The following CEP83 variants were observed in gnomAD, a reference collection of about 807,000 sequenced individuals.
The protein encoded by CEP83 is centrosomal protein of 83 kDa.
Under a neutral mutation model 101.9 loss-of-function variants are expected in CEP83, and 70 were observed. The ratio of observed to expected loss-of-function variants is 0.69; its 90% CI spans 0.57 to 0.84. CEP83 has a LOEUF of 0.84. Ranked by LOEUF, CEP83 falls within the 40% of genes least tolerant of loss-of-function variation. The pLI, the probability that CEP83 is intolerant of heterozygous loss-of-function variation, is 0.00. For missense variants in CEP83, 715 were observed against 787.2 expected (o/e 0.91, Z 1.10); for synonymous variants, 264 against 267.9 (o/e 0.99, Z 0.14).
chr12:94,295,412 G>C, the CEP83 span, among the ~76,000 whole-genome samples: 1 of 152,206 alleles, frequency 6.6e-6, no homozygotes, highest in African/African-American at 2.4e-5. Flanking sequence ...TGGTGTCTTT[G>C]TGTTGAAAAG....
At chr12:94,437,403 T>C (rs555334562) in intron 1 of CEP83, among the ~76,000 whole-genome samples, 20 of 152,002 alleles carry the variant, frequency 1.3e-4, no homozygotes, top group African/African-American at 4.8e-4. Flanking sequence ...AGGAAATTCA[T>C]CACAAAAAGA....
the CEP83 span, chr12:94,277,967 G>A: frequency 6.6e-6 from 3 of 456,010 alleles, no homozygotes; most frequent in South Asian, 4.6e-5. Flanking sequence ...CTGAGCCCTA[G>A]GCAAATCAGA....
At chr12:94,334,871 T>TTTGTATTAAG (rs2059387144) in intron 12 of CEP83, among the ~76,000 whole-genome samples, 1 of 152,164 alleles carries the variant, frequency 6.6e-6, no homozygotes, top group African/African-American at 2.4e-5. Flanking sequence ...TTAATACCTC[T>TTTGTATTAAG]CCATATGCAT....
chr12:94,400,932 G>C lies in CEP83; in HGVS notation c.467C>G (p.Thr156Arg), dbSNP rs749314948. Residue 156 changes from threonine (T) to arginine (R), a missense_variant, in exon 6 of 17, where the codon ACA (threonine) becomes AGA (arginine). By Grantham distance (71) the Thr-to-Arg change is moderately conservative (BLOSUM62 -1). Transcript: ENST00000397809. ...GTGTTCAAATTCTGACTTGAGAAAT[G>C]TATGTTCATAGCGAAGCTTATTATA... is the stretch of plus-strand genomic sequence containing the variant. ...AVYNKLRYEH[T>R]FLKSEFEHQK... The C allele has an allele frequency of 6.6e-7, 1 of 1,511,204 alleles. No homozygotes were observed. Among genetic ancestry groups the C allele is most frequent in the Admixed American group, 2.0e-5 (1 of 49,766 alleles). 93.6% of individuals were successfully genotyped at this position (1,511,204 alleles called of 1,614,324 possible).
chr12:94,331,585 G>A (rs1451807911), intron 14 of CEP83, 115 bp downstream of exon 14: 8 of 820,230 alleles, frequency 9.8e-6, no homozygotes, highest in South Asian at 6.4e-5. Context: ...TAGCCAGGAT[G>A]GTCTCAATGA....
intron 7 of CEP83, among the ~76,000 whole-genome samples, chr12:94,378,030 G>A (rs1221860924): frequency 6.6e-6 from 1 of 151,926 alleles, no homozygotes; most frequent in Admixed American, 6.6e-5. Context: ...TTTGGATATT[G>A]ATTTTAACTA....
intron 2 of CEP83, among the ~76,000 whole-genome samples, chr12:94,413,825 TACAC>T (rs56372938): frequency 0.089 from 12,559 of 140,324 alleles, 521 homozygotes; most frequent in African/African-American, 0.11. Context: ...CCATAATACA[TACAC>T]ACACACACAC....
rs2065040432 is a variant in CEP83 at position 94,424,616 on chromosome 12, T to A, written c.-102+10659A>T. The A allele has an allele frequency of 2.1e-5, 34 of 1,613,286 alleles. No individual in the cohort carries two copies. The South Asian group carries it at 3.7e-4, about 18-fold the overall frequency. ...CATCTGTGCCTGTACACCACTGGCC[T>A]TCAGTGCTGTTACAGCTTTCTGTGC... On this transcript the variant is annotated intron_variant, in intron 2 of 16. Coordinates refer to ENST00000397809, the MANE Select transcript of CEP83 (RefSeq NM_016122.3).
At chr12:94,345,470 C>CAA (rs2059891087) in intron 11 of CEP83, among the ~76,000 whole-genome samples, 1 of 152,102 alleles carries the variant, frequency 6.6e-6, no homozygotes, top group African/African-American at 2.4e-5. Flanking sequence ...AGGCGAAAGA[C>CAA]AGTCTTTGGT....
rs539749605 is a variant in CEP83, at chr12:94,309,915, T to A, written c.2001+3A>T. ...TTTTTCCCCCTAAAATAAATGCTCA[T>A]ACCTGCATATGAGGAGGAAATGGTA... On this transcript the variant is annotated splice_donor_region_variant and intron_variant, in intron 16 of 16. Coordinates refer to ENST00000397809, the MANE Select transcript of CEP83 (RefSeq NM_016122.3). 1.3e-6 allele frequency: 2 copies of A among 1,547,720 alleles called. No individual in the cohort carries two copies. Among genetic ancestry groups the A allele is most frequent in the South Asian group, 2.5e-5 (2 of 81,132 alleles).
intron 14 of CEP83, among the ~76,000 whole-genome samples, chr12:94,314,465 C>T (rs1970349782): frequency 6.6e-6 from 1 of 152,192 alleles, no homozygotes; most frequent in Non-Finnish European, 1.5e-5. Context: ...TACATACAAT[C>T]ATAGTATGTA....
chr12:94,278,598 G>A, the CEP83 span, among the ~76,000 whole-genome samples: 1 of 152,294 alleles, frequency 6.6e-6, no homozygotes, highest in South Asian at 2.1e-4. Context: ...AGTATGGGGT[G>A]GGGATCTCAG....
At chr12:94,274,181 A>AAATTT in the CEP83 span, among the ~76,000 whole-genome samples, 2 of 145,282 alleles carry the variant, frequency 1.4e-5, no homozygotes, top group South Asian at 4.3e-4. Context: ...AAAAAAAAAA[A>AAATTT]AAAAAATTTA....
the CEP83 span, among the ~76,000 whole-genome samples, chr12:94,293,345 T>C: frequency 1.3e-5 from 2 of 152,328 alleles, no homozygotes; most frequent in South Asian, 4.1e-4. Context: ...TGTCATAGGG[T>C]AGATACCAAC....
the CEP83 span, among the ~76,000 whole-genome samples, chr12:94,286,849 G>A: frequency 2.0e-5 from 3 of 152,028 alleles, no homozygotes; most frequent in Non-Finnish European, 4.4e-5. Flanking sequence ...AGCTGGTCTC[G>A]TCTGAATGAT....
intron 14 of CEP83, among the ~76,000 whole-genome samples, chr12:94,327,870 T>C (rs541685968): frequency 6.6e-6 from 1 of 152,358 alleles, no homozygotes; most frequent in East Asian, 1.9e-4. Flanking sequence ...ACAGTGGTTC[T>C]CAAACTTTAG....
At position 94,308,884 on chromosome 12, in the gene CEP83, G is replaced by C; in HGVS notation, c.2035C>G (p.Arg679Gly). The change falls in exon 17 of 17, where the codon CGC (arginine) becomes GGC (glycine). Residue 679 changes from arginine (R) to glycine (G), a missense_variant. By Grantham distance (125) the Arg-to-Gly change is moderately radical. Coordinates refer to ENST00000397809, the MANE Select transcript of CEP83 (RefSeq NM_016122.3). ...EQHQRELSLL[R>G]KRLEELETTQ... is the part of the protein sequence containing the mutation. The stretch of plus-strand genomic sequence containing the variant: ...GTTTCCAGTTCTTCTAGTCTTTTGC[G>C]AAGTAGAGAGAGTTCCCTTTGATGT... The C allele has an allele frequency of 6.2e-7, 1 of 1,611,982 alleles. No individual in the cohort carries two copies. The highest frequency in any genetic ancestry group is 8.5e-7 in the Non-Finnish European group (1 of 1,178,344).
the CEP83 span, among the ~76,000 whole-genome samples, chr12:94,301,338 T>C: frequency 6.6e-6 from 1 of 152,198 alleles, no homozygotes; most frequent in Admixed American, 6.5e-5. Flanking sequence ...AGAAAAATAT[T>C]CTATGGACAC....
the CEP83 span, among the ~76,000 whole-genome samples, chr12:94,299,343 G>A: frequency 6.6e-6 from 1 of 152,186 alleles, no homozygotes; most frequent in African/African-American, 2.4e-5. Flanking sequence ...TAGCTCATGA[G>A]CTCTCTTTGA....
Sources: allele counts gnomAD v4.1 joint callset (sites outside exome capture counted in the v4.1 genomes callset), GRCh38; gene constraint gnomAD v4.1.1; transcripts MANE v1.5; gene names NCBI Gene and HGNC (gene_info 2026-07-23, HGNC 2026-07-21).